CFAP61: variants seen among roughly 807,000 people sequenced by gnomAD.
CFAP61 encodes the protein cilia and flagella associated protein 61.
Under a neutral mutation model 135.6 loss-of-function variants are expected in CFAP61, and 107 were observed. The ratio of observed to expected loss-of-function variants is 0.79; its 90% CI spans 0.67 to 0.93. The LOEUF is 0.93. Ranked by LOEUF, CFAP61 falls within the 40% of genes least tolerant of loss-of-function variation. The probability of loss-of-function intolerance (pLI) is 0.00; values close to 1 mark genes in which losing one functional copy is unlikely to be tolerated. For missense variants in CFAP61, 1,507 were observed against 1,556.2 expected (o/e 0.97, Z 0.53); for synonymous variants, 575 against 578.5 (o/e 0.99, Z 0.09).
rs1051127480 is a variant in CFAP61, at chr20:20,305,065, T to G, written c.3422+6679T>G. Among the ~76,000 whole-genome samples the G allele has an allele frequency of 3.3e-5, 5 of 152,196 alleles. 1 individual carries two copies. Among genetic ancestry groups the G allele is most frequent in the Admixed American group, 3.3e-4 (5 of 15,284 alleles). ...TTAAACCTCTTTTCACATCTTAACA[T>G]GCTCAGCTCTCAAAGACTGCCCTCA... On this transcript the variant is annotated intron_variant, in intron 25 of 26. Transcript: ENST00000245957.
chr20:20,133,308 T>A (rs1372465572), intron 8 of CFAP61, among the ~76,000 whole-genome samples: 2 of 152,226 alleles, frequency 1.3e-5, no homozygotes, highest in African/African-American at 2.4e-5. Context: ...TGGCTGAGTC[T>A]ACTCACATGT....
intron 6 of CFAP61, chr20:20,085,338 G>T: frequency 2.4e-6 from 3 of 1,247,720 alleles, no homozygotes; most frequent in Non-Finnish European, 3.1e-6. Context: ...TGCCATTTGA[G>T]ACTATGTGAG....
intron 13 of CFAP61, among the ~76,000 whole-genome samples, chr20:20,179,863 T>C (rs2054918949): frequency 6.6e-6 from 1 of 152,130 alleles, no homozygotes; most frequent in African/African-American, 2.4e-5. Flanking sequence ...TTACACCATA[T>C]ACAAAAATTA....
chr20:20,347,086 T>A (rs1487411012), intron 26 of CFAP61, among the ~76,000 whole-genome samples: 1 of 152,156 alleles, frequency 6.6e-6, no homozygotes, highest in Non-Finnish European at 1.5e-5. Context: ...TGGAAATCAG[T>A]AACAGAAGGA....
At chr20:20,355,058 A>C (rs1216508284) in intron 26 of CFAP61, among the ~76,000 whole-genome samples, 1 of 128,892 alleles carries the variant, frequency 7.8e-6, no homozygotes. Context: ...TCACACTGTG[A>C]GAGGGAAGGT....
chr20:20,142,864 G>A lies in CFAP61; in HGVS notation c.867G>A (p.Glu289=), dbSNP rs759788509. The A allele has an allele frequency of 1.9e-6, 3 of 1,595,172 alleles. No individual in the cohort carries two copies. Among genetic ancestry groups the A allele is most frequent in the East Asian group, 4.5e-5 (2 of 44,666 alleles). The change falls in exon 9 of 27, where the codon GAG becomes GAA. Residue 289 remains glutamate, a synonymous_variant. Coordinates refer to ENST00000245957, the MANE Select transcript of CFAP61 (RefSeq NM_015585.4). ...DLSVRRSQDA[E]LRSSSQGSQK... is the part of the protein sequence containing the mutation. ...CTATCCCTTCTCTCAAAGATGCTGA[G>A]CTCAGGAGTAGCAGCCAAGGTTCCC...
At chr20:20,238,104 GA>G (rs766914902) in intron 18 of CFAP61, among the ~76,000 whole-genome samples, 1 of 152,036 alleles carries the variant, frequency 6.6e-6, no homozygotes, top group Non-Finnish European at 1.5e-5. Flanking sequence ...GATTTAAACA[GA>G]AAAAAATATT....
chr20:20,053,149 A>G (rs575765134), intron 1 of CFAP61, among the ~76,000 whole-genome samples: 1 of 152,364 alleles, frequency 6.6e-6, no homozygotes, highest in South Asian at 2.1e-4. Context: ...CTGTTTCACT[A>G]GGATTAAAGA....
At chr20:20,320,042 G>T (rs995755682) in intron 25 of CFAP61, among the ~76,000 whole-genome samples, 1 of 151,898 alleles carries the variant, frequency 6.6e-6, no homozygotes, top group Non-Finnish European at 1.5e-5. Flanking sequence ...AAAACACAGA[G>T]CTGAAGTATA....
intron 26 of CFAP61, among the ~76,000 whole-genome samples, chr20:20,346,984 C>T (rs2058658176): frequency 6.6e-6 from 1 of 152,150 alleles, no homozygotes; most frequent in African/African-American, 2.4e-5. Flanking sequence ...GAACATTCTC[C>T]AGGATAGGCC....
intron 18 of CFAP61, among the ~76,000 whole-genome samples, chr20:20,243,434 C>CT (rs60497833): frequency 0.25 from 36,007 of 146,880 alleles, 4,576 homozygotes; most frequent in South Asian, 0.29. Flanking sequence ...TCCCCCAAGT[C>CT]TTTTTTTTTT....
chr20:20,091,727 G>A (rs139639415), intron 7 of CFAP61, among the ~76,000 whole-genome samples: 24 of 152,146 alleles, frequency 1.6e-4, no homozygotes, highest in African/African-American at 4.8e-4. Context: ...ACCCAGACTG[G>A]AGTGCACTGT....
intron 1 of CFAP61, among the ~76,000 whole-genome samples, chr20:20,053,062 T>G (rs2043890774): frequency 1.3e-5 from 2 of 152,192 alleles, no homozygotes; most frequent in Non-Finnish European, 2.9e-5. Flanking sequence ...ATGTTTAAAT[T>G]CTGTGTGTGC....
At chr20:20,150,643 A>T (rs145108401) in intron 9 of CFAP61, among the ~76,000 whole-genome samples, 5 of 152,314 alleles carry the variant, frequency 3.3e-5, no homozygotes, top group African/African-American at 1.2e-4. Flanking sequence ...GGACTCTCAC[A>T]GAGCCTACTT....
At chr20:20,274,055 G>A (rs563233397) in intron 21 of CFAP61, among the ~76,000 whole-genome samples, 1 of 152,294 alleles carries the variant, frequency 6.6e-6, no homozygotes, top group African/African-American at 2.4e-5. Context: ...CAAAATATAA[G>A]ACTTTGGTTA....
At chr20:20,271,825 A>T (rs1398790142) in intron 21 of CFAP61, among the ~76,000 whole-genome samples, 1 of 152,196 alleles carries the variant, frequency 6.6e-6, no homozygotes, top group Non-Finnish European at 1.5e-5. Context: ...TTAAATCGAG[A>T]GCAAAAGCTG....
chr20:20,134,675 A>T (rs1281120801), intron 8 of CFAP61, among the ~76,000 whole-genome samples: 6 of 152,148 alleles, frequency 3.9e-5, no homozygotes, highest in Non-Finnish European at 8.8e-5. Flanking sequence ...ATTTTATTGG[A>T]TATGGGGAAA....
At chr20:20,168,633 A>T (rs1039890490) in intron 12 of CFAP61, among the ~76,000 whole-genome samples, 5 of 152,244 alleles carry the variant, frequency 3.3e-5, no homozygotes, top group Non-Finnish European at 5.9e-5. Context: ...AAATGAATTT[A>T]AATGAAATAA....
At chr20:20,249,480 A>G (rs1214094163) in intron 19 of CFAP61, among the ~76,000 whole-genome samples, 4 of 152,218 alleles carry the variant, frequency 2.6e-5, no homozygotes, top group Non-Finnish European at 1.5e-5. Flanking sequence ...TCAAGGCTAC[A>G]GTGAGCCATG....
Sources: allele counts gnomAD v4.1 joint callset (sites outside exome capture counted in the v4.1 genomes callset), GRCh38; gene constraint gnomAD v4.1.1; transcripts MANE v1.5; gene names NCBI Gene and HGNC (gene_info 2026-07-23, HGNC 2026-07-21).